The following TXNRD3 variants were observed in gnomAD, a reference collection of about 807,000 sequenced individuals.
TXNRD3 encodes the protein TXNRD3 neighbor gene protein.
Under a neutral mutation model 78.2 loss-of-function variants are expected in TXNRD3, and 68 were observed. That is an observed-to-expected ratio of 0.87 (90% CI 0.72 to 1.06). The LOEUF (loss-of-function observed/expected upper bound fraction) is 1.06, where lower values mean the gene tolerates loss of function less well. Among genes scored for constraint, TXNRD3 ranks in the 50% least tolerant of loss-of-function variants. The pLI is 0.00. For synonymous variants in TXNRD3, 296 were observed against 300.1 expected (o/e 0.99, Z 0.14); for missense variants, 751 against 809.5 (o/e 0.93, Z 0.88).
chr3:126,630,696 T>C lies in TXNRD3; in HGVS notation c.1197+16A>G. The stretch of plus-strand genomic sequence containing the variant: ...AAAGTTAGAGAAAAAAAATTGCAAA[T>C]GCCATGCAGCCTTACCATCACAGGT... On this transcript the variant is annotated intron_variant, in intron 9 of 15. Coordinates refer to ENST00000524230, the MANE Select transcript of TXNRD3 (RefSeq NM_052883.3). 6.5e-7 allele frequency: 1 copy of C among 1,532,566 alleles called. No individual in the cohort carries two copies. The allele number at this position is 1,532,566 out of a possible 1,614,324, so 94.9% of individuals were successfully genotyped here.
rs755482605 is a variant in TXNRD3 at position 126,654,741 on chromosome 3, C to A, written c.243+7G>T. 2.3e-6 allele frequency: 3 copies of A among 1,332,560 alleles called. No homozygotes were observed. In the South Asian group the frequency reaches 5.9e-5, roughly 26 times the overall value. The allele number at this position is 1,332,560 out of a possible 1,614,324, so 82.5% of individuals were successfully genotyped here. On this transcript the variant is annotated splice_region_variant and intron_variant, in intron 1 of 15. Coordinates refer to ENST00000524230, the MANE Select transcript of TXNRD3 (RefSeq NM_052883.3). Reference sequence around the variant, plus strand: ...CGCGCGGTGGAACCGGCGAGGGCCGCGCCTACCCGAGTACTATGGGGACAG... The same window carrying A: ...CGCGCGGTGGAACCGGCGAGGGCCGAGCCTACCCGAGTACTATGGGGACAG...
chr3:126,635,998 C>A (rs531680126), intron 6 of TXNRD3, among the ~76,000 whole-genome samples: 38 of 152,296 alleles, frequency 2.5e-4, no homozygotes, highest in African/African-American at 8.2e-4. Context: ...ATGGCATGGT[C>A]TTGGCTCACT....
chr3:126,642,770 C>T (rs1396634333), intron 5 of TXNRD3, among the ~76,000 whole-genome samples: 2 of 152,062 alleles, frequency 1.3e-5, no homozygotes, highest in South Asian at 2.1e-4. Context: ...TGAGAAAAAT[C>T]GAAGTAGATT....
At chr3:126,615,306 T>G in intron 13 of TXNRD3, 49 bp downstream of exon 13, 1 of 879,220 alleles carries the variant, frequency 1.1e-6, no homozygotes, top group Non-Finnish European at 1.7e-6. Context: ...AAAGATAAAT[T>G]GTTGATTAAA....
At chr3:126,615,643 T>A (rs894389141) in intron 12 of TXNRD3, among the ~76,000 whole-genome samples, 181 bp from the exon 13 acceptor site, 5 of 152,140 alleles carry the variant, frequency 3.3e-5, no homozygotes, top group African/African-American at 1.2e-4. Context: ...GGCCCCTGAC[T>A]CAGGGGAAGA....
Position 126,654,854 on chromosome 3 carries a change from C to A in TXNRD3, c.137G>T (p.Ser46Ile). The A allele has an allele frequency of 1.5e-6, 2 of 1,358,038 alleles. No individual in the cohort carries two copies. The highest frequency in any genetic ancestry group is 1.8e-5 in the South Asian group (1 of 56,410). The allele number at this position is 1,358,038 out of a possible 1,614,324, so 84.1% of individuals were successfully genotyped here. A position where few individuals can be genotyped will look rare whatever the true frequency, so the allele number is the denominator to read the frequency against. The change falls in exon 1 of 16, where the codon AGC (serine) becomes ATC (isoleucine). Residue 46 changes from serine (S) to isoleucine (I), a missense_variant. By Grantham distance (142) the Ser-to-Ile change is moderately radical. Coordinates refer to ENST00000524230, the MANE Select transcript of TXNRD3 (RefSeq NM_052883.3). ...CTCCTCGCGGGCCTCGGACGAGCGGCTGGGCCCGGGGGACGACAGGCGGGC... is the reference window on the plus strand; with the variant it reads ...CTCCTCGCGGGCCTCGGACGAGCGGATGGGCCCGGGGGACGACAGGCGGGC...
At chr3:126,608,116 T>C in intron 15 of TXNRD3, 143 bp from the exon 16 acceptor site, 1 of 619,100 alleles carries the variant, frequency 1.6e-6, no homozygotes, top group Non-Finnish European at 2.6e-6. Context: ...ATCCCAGTAC[T>C]TTGGGAGGCT....
chr3:126,650,249 A>G (rs534215777), intron 1 of TXNRD3, among the ~76,000 whole-genome samples: 1 of 152,362 alleles, frequency 6.6e-6, no homozygotes, highest in South Asian at 2.1e-4. Flanking sequence ...CTAGTTTCAT[A>G]TGATGGCTAG....
intron 7 of TXNRD3, 53 bp from the exon 8 acceptor site, chr3:126,631,932 A>T (rs1938724887): frequency 3.3e-6 from 4 of 1,221,694 alleles, no homozygotes; most frequent in Non-Finnish European, 4.6e-6. Context: ...AGTACCAGAC[A>T]CCCTGGACAA....
rs1201805531 is a variant in TXNRD3 at position 126,646,112 on chromosome 3, T to C, written c.413A>G (p.Gln138Arg). 1.3e-6 allele frequency: 2 copies of C among 1,520,376 alleles called. No individual in the cohort carries two copies. The highest frequency in any genetic ancestry group is 2.8e-5 in the African/African-American group (2 of 72,206). 94.2% of individuals were successfully genotyped at this position (1,520,376 alleles called of 1,614,324 possible). A position where few individuals can be genotyped will look rare whatever the true frequency, so the allele number is the denominator to read the frequency against. ...AAGAACATATAATAGTATTATTACCTGGAAAGTTTGGTCACATCCACCTAC... is the reference window on the plus strand; with the variant it reads ...AAGAACATATAATAGTATTATTACCCGGAAAGTTTGGTCACATCCACCTAC... Residue 138 changes from glutamine to arginine, a missense_variant and splice_region_variant, in exon 3 of 16, where the codon CAG (glutamine) becomes CGG (arginine). Physicochemically the swap from Gln to Arg is conservative, Grantham distance 43. Transcript: ENST00000524230.
At chr3:126,624,393 A>C (rs541721933) in intron 10 of TXNRD3, among the ~76,000 whole-genome samples, 1 of 152,228 alleles carries the variant, frequency 6.6e-6, no homozygotes, top group African/African-American at 2.4e-5. Context: ...TGAGAAGAGC[A>C]CAGAAATAGA....
chr3:126,643,335 T>C (rs1461478451), intron 5 of TXNRD3, among the ~76,000 whole-genome samples: 1 of 152,162 alleles, frequency 6.6e-6, no homozygotes, highest in Non-Finnish European at 1.5e-5. Context: ...CTTTTCACTG[T>C]GGAAAAACAA....
Position 126,622,459 on chromosome 3 carries a change from C to A in TXNRD3, c.1367+5G>T. 3 of 1,533,626 alleles carry A rather than the reference C, an allele frequency of 2.0e-6. No individual in the cohort carries two copies. The highest frequency in any genetic ancestry group is 2.6e-6 in the Non-Finnish European group (3 of 1,145,230). ...GCAACAGTGCAGTGATCCCAATATA[C>A]TTACTTCTCATTAATTTTGACACCA... is the stretch of plus-strand genomic sequence containing the variant. On this transcript the variant is annotated splice_donor_5th_base_variant and intron_variant, in intron 11 of 15. Transcript: ENST00000524230.
At chr3:126,652,744 C>T (rs995543795) in intron 1 of TXNRD3, among the ~76,000 whole-genome samples, 5 of 152,324 alleles carry the variant, frequency 3.3e-5, no homozygotes, top group Non-Finnish European at 4.4e-5. Flanking sequence ...CCGCCTAACA[C>T]CCTGAGCTGT....
At chr3:126,634,635 C>G (rs1382493562) in intron 6 of TXNRD3, among the ~76,000 whole-genome samples, 4 of 152,146 alleles carry the variant, frequency 2.6e-5, no homozygotes, top group Admixed American at 2.6e-4. Flanking sequence ...TGTTGGAATT[C>G]CACGTCATCC....
At chr3:126,636,910 G>A (rs532523031) in intron 6 of TXNRD3, among the ~76,000 whole-genome samples, 1 of 151,326 alleles carries the variant, frequency 6.6e-6, no homozygotes, top group Admixed American at 6.6e-5. Flanking sequence ...CTTAAAACAT[G>A]AGGTTTCTTT....
At chr3:126,611,963 T>C (rs1319595874) in intron 13 of TXNRD3, among the ~76,000 whole-genome samples, 2 of 152,234 alleles carry the variant, frequency 1.3e-5, no homozygotes, top group African/African-American at 4.8e-5. Context: ...CAGTTACTTG[T>C]AGCCAAAAAC....
In TXNRD3 at chr3:126,633,976, G is replaced by T. The variant is rs1938789530; in HGVS notation, c.788C>A (p.Ser263Tyr). ...ATAGGCCACAGCCTTTTCCCTCAGA[G>T]ACAACCTGTAGCCCCAGTTTAGAGA... Residue 263 changes from serine to tyrosine, a missense_variant, in exon 7 of 16, where the codon TCT becomes TAT. Physicochemically the swap from Ser to Tyr is moderately radical, Grantham distance 144 (BLOSUM62 -2). Coordinates refer to ENST00000524230, the MANE Select transcript of TXNRD3 (RefSeq NM_052883.3). 2 of 1,524,388 alleles carry T rather than the reference G, an allele frequency of 1.3e-6. No individual in the cohort carries two copies. The highest frequency in any genetic ancestry group is 2.0e-5 in the Admixed American group (1 of 50,444). The allele number at this position is 1,524,388 out of a possible 1,614,324, so 94.4% of individuals were successfully genotyped here. A position where few individuals can be genotyped will look rare whatever the true frequency, so the allele number is the denominator to read the frequency against.
intron 10 of TXNRD3, among the ~76,000 whole-genome samples, chr3:126,624,143 A>G (rs1284880506): frequency 2.0e-5 from 3 of 152,182 alleles, no homozygotes; most frequent in Non-Finnish European, 4.4e-5. Flanking sequence ...CATATGTTGG[A>G]AAAATCAATA....
Sources: allele counts gnomAD v4.1 joint callset (sites outside exome capture counted in the v4.1 genomes callset), GRCh38; gene constraint gnomAD v4.1.1; transcripts MANE v1.5; gene names NCBI Gene and HGNC (gene_info 2026-07-23, HGNC 2026-07-21).